TRANK1: variants seen among roughly 807,000 people sequenced by gnomAD.
TRANK1 encodes the protein TPR and ankyrin repeat-containing protein 1.
Under a neutral mutation model 266.0 loss-of-function variants are expected in TRANK1, and 198 were observed. That is an observed-to-expected ratio of 0.74 (90% CI 0.66 to 0.84). The LOEUF is 0.84. Among genes scored for constraint, TRANK1 ranks in the 40% least tolerant of loss-of-function variants. The pLI is 0.00. For missense variants in TRANK1, 3,326 were observed against 3,634.6 expected, an observed-to-expected ratio of 0.92 and a Z score of 2.18; for synonymous variants, 1,396 against 1,384.1, an observed-to-expected ratio of 1.01 and a Z score of -0.19.
Position 36,908,421 on chromosome 3 carries a change from T to C in TRANK1, c.57A>G (p.Lys19=). The part of the protein sequence containing the change: ...MDLTAYAELL[K]ESGNQVLKNG... ...TCTTAAGAACCTGGTTGCCGGATTC[T>C]TTCAGCAGCTCAGCGTAAGCTGTCA... Residue 19 remains lysine (K), a synonymous_variant, in exon 2 of 24, where the codon AAA becomes AAG. Coordinates refer to ENST00000645898, the MANE Select transcript of TRANK1 (RefSeq NM_001329998.2). The C allele has an allele frequency of 8.1e-7, 1 of 1,232,240 alleles. No homozygotes were observed. Among genetic ancestry groups the C allele is most frequent in the Non-Finnish European group, 1.0e-6 (1 of 988,006 alleles). The allele number at this position is 1,232,240 out of a possible 1,614,324, so 76.3% of individuals were successfully genotyped here. A position where few individuals can be genotyped will look rare whatever the true frequency, so the allele number is the denominator to read the frequency against.
intron 13 of TRANK1, among the ~76,000 whole-genome samples, 175 bp downstream of exon 13, chr3:36,854,998 A>G (rs1575206598): frequency 6.6e-6 from 1 of 152,354 alleles, no homozygotes; most frequent in East Asian, 1.9e-4. Flanking sequence ...TAACTTAAGG[A>G]GCAGTGGCCA....
intron 20 of TRANK1, among the ~76,000 whole-genome samples, chr3:36,835,223 G>T (rs1162721914): frequency 2.0e-5 from 3 of 149,088 alleles, no homozygotes; most frequent in Admixed American, 2.0e-4. Flanking sequence ...GGAGGCTGAG[G>T]CAGGAGAATG....
In TRANK1 at chr3:36,832,437, T is replaced by C; in HGVS notation, c.7146A>G (p.Gly2382=). 1.2e-6 allele frequency: 2 copies of C among 1,613,966 alleles called. 1 individual carries two copies. The highest frequency in any genetic ancestry group is 3.3e-4 in the Middle Eastern group (2 of 6,062). Residue 2382 remains glycine (G), a synonymous_variant, in exon 22 of 24, where the codon GGA becomes GGG. Transcript: ENST00000645898. Reference sequence around the variant, plus strand: ...CCAGCATGCCAAATTTCCCTTCTATTCCTTTTATCCTGCTGCCTCTCCCCC... The same window carrying C: ...CCAGCATGCCAAATTTCCCTTCTATCCCTTTTATCCTGCTGCCTCTCCCCC... The part of the protein sequence containing the change: ...RGRGRGSRIK[G]IEGKFGMLAP...
chr3:36,894,351 G>A (rs1263446849), intron 5 of TRANK1, among the ~76,000 whole-genome samples: 3 of 152,206 alleles, frequency 2.0e-5, no homozygotes, highest in African/African-American at 7.2e-5. Context: ...CCTGCTCACA[G>A]ATCTACCCTA....
Position 36,861,851 on chromosome 3 carries a change from G to A in TRANK1, c.1241-691C>T, listed in dbSNP as rs903817146. Among the ~76,000 whole-genome samples, 11 of 151,288 alleles carry A rather than the reference G, an allele frequency of 7.3e-5. No individual in the cohort carries two copies. The East Asian group carries it at 9.8e-4, about 13-fold the overall frequency. On this transcript the variant is annotated intron_variant, in intron 10 of 23. Coordinates refer to ENST00000645898, the MANE Select transcript of TRANK1 (RefSeq NM_001329998.2). ...CTCCCGAGTAGCTGGGACTACAGGC[G>A]CCCGCCACAACACCCGGCTACTTTT...
intron 4 of TRANK1, 38 bp from the exon 5 acceptor site, chr3:36,895,796 G>T: frequency 7.2e-7 from 1 of 1,395,376 alleles, no homozygotes; most frequent in South Asian, 1.3e-5. Flanking sequence ...TTTTAATGTG[G>T]GGAAAGTCTA....
At chr3:36,869,129 G>A (rs1187220011) in intron 9 of TRANK1, among the ~76,000 whole-genome samples, 2 of 152,228 alleles carry the variant, frequency 1.3e-5, no homozygotes, top group African/African-American at 4.8e-5. Flanking sequence ...TCCTCAAAGT[G>A]GTCCCTGGCT....
At chr3:36,848,795 C>T (rs1048747548) in intron 15 of TRANK1, among the ~76,000 whole-genome samples, 2 of 152,046 alleles carry the variant, frequency 1.3e-5, no homozygotes, top group African/African-American at 4.8e-5. Context: ...AATTGTTTAC[C>T]AAGGAAAGTA....
Position 36,831,079 on chromosome 3 carries a change from T to C in TRANK1, c.8504A>G (p.Gln2835Arg). 1 of 1,614,004 alleles carries C rather than the reference T, an allele frequency of 6.2e-7. No individual in the cohort carries two copies. Among genetic ancestry groups the C allele is most frequent in the South Asian group, 1.1e-5 (1 of 91,080 alleles). Reference sequence around the variant, plus strand: ...CTCGTGGAAAAATTCTGAGTATTTCTGGTAGGCCACTTGCTGCCTCTGGTG... The same window carrying C: ...CTCGTGGAAAAATTCTGAGTATTTCCGGTAGGCCACTTGCTGCCTCTGGTG... ...EHHQRQQVAY[Q>R]KYSEFFHEKV... Residue 2835 changes from glutamine to arginine, a missense_variant, in exon 22 of 24, where the codon CAG (glutamine) becomes CGG (arginine). Transcript: ENST00000645898. This position sits in a 1 kb window ranked among gnomAD's most constrained non-coding sequence, Gnocchi z 5.0.
At chr3:36,927,097 G>A (rs1307046247) in intron 1 of TRANK1, among the ~76,000 whole-genome samples, 1 of 152,184 alleles carries the variant, frequency 6.6e-6, no homozygotes, top group Non-Finnish European at 1.5e-5. Context: ...AACAAAATTT[G>A]AGGCTGCAAA....
At chr3:36,837,843 C>G (rs565615726) in intron 20 of TRANK1, among the ~76,000 whole-genome samples, 12 of 152,338 alleles carry the variant, frequency 7.9e-5, no homozygotes, top group African/African-American at 2.9e-4. Context: ...TAACAATGAG[C>G]ACTTGCCATT....
chr3:36,892,419 T>C, intron 6 of TRANK1, 79 bp from the exon 7 acceptor site: 1 of 1,481,836 alleles, frequency 6.7e-7, no homozygotes, highest in Non-Finnish European at 9.0e-7. Context: ...ACCCATAAAG[T>C]ATGGAATCAG....
At chr3:36,901,583 C>T (rs1274816273) in intron 3 of TRANK1, among the ~76,000 whole-genome samples, 1 of 152,184 alleles carries the variant, frequency 6.6e-6, no homozygotes, top group Non-Finnish European at 1.5e-5. Context: ...TAAAAGTGAA[C>T]ATCAAATGAA....
At chr3:36,902,053 T>C (rs1206778487) in intron 3 of TRANK1, among the ~76,000 whole-genome samples, 3 of 152,190 alleles carry the variant, frequency 2.0e-5, no homozygotes. Flanking sequence ...CTGGGCCATA[T>C]TGGAAGAAGA....
chr3:36,852,109 T>A, intron 14 of TRANK1, 37 bp downstream of exon 14: 1 of 1,540,046 alleles, frequency 6.5e-7, no homozygotes, highest in South Asian at 1.3e-5. Context: ...TTGCAAACTG[T>A]CTTTTATTTC....
chr3:36,945,170 A>G (rs1320122738), upstream of TRANK1: 2 of 274,418 alleles, frequency 7.3e-6, no homozygotes, highest in Non-Finnish European at 1.4e-5. Context: ...CCGTCATGCA[A>G]GCAAATGGTA....
chr3:36,883,376 G>A (rs1372114123), intron 8 of TRANK1, among the ~76,000 whole-genome samples: 1 of 151,168 alleles, frequency 6.6e-6, no homozygotes, highest in Non-Finnish European at 1.5e-5. Flanking sequence ...GCCCGGGTGG[G>A]TGAGGCTGCA....
intron 10 of TRANK1, among the ~76,000 whole-genome samples, chr3:36,862,749 A>G (rs2079158437): frequency 6.6e-6 from 1 of 152,222 alleles, no homozygotes; most frequent in Admixed American, 6.5e-5. Context: ...CAGAGATTAG[A>G]GACTTCAATG....
chr3:36,903,133 C>T lies in TRANK1; in HGVS notation c.282+16G>A, dbSNP rs867366679. On this transcript the variant is annotated intron_variant, in intron 3 of 23. Coordinates refer to ENST00000645898, the MANE Select transcript of TRANK1 (RefSeq NM_001329998.2). ...CTCAAGTCATCTCCCCACACCTTCA[C>T]CCTCCCACCCCATACCTTCACGTAG... 1.8e-5 allele frequency: 28 copies of T among 1,535,598 alleles called. No homozygotes were observed. In the Middle Eastern group the frequency reaches 3.4e-3, roughly 186 times the overall value.
Sources: gnomAD v4.1 joint callset for allele counts (sites outside exome capture counted in the v4.1 genomes callset) on GRCh38, gnomAD v4.1.1 for gene constraint, Gnocchi (gnomAD v3.1) non-coding constraint, MANE v1.5 for transcripts, NCBI Gene and HGNC (gene_info 2026-07-23, HGNC 2026-07-21) for gene names.